Variants in PON3 observed in about 807,000 individuals in gnomAD.
PON3 encodes the protein serum paraoxonase/lactonase 3.
PON3 carries 37 observed loss-of-function variants against 36.3 expected under a neutral mutation model. The ratio of observed to expected loss-of-function variants is 1.02; its 90% CI spans 0.78 to 1.34. PON3 has a LOEUF of 1.34. PON3 is among the 40% of genes most tolerant of loss of function. The probability of loss-of-function intolerance (pLI) is 0.00; values close to 1 mark genes in which losing one functional copy is unlikely to be tolerated. For missense variants in PON3, 415 were observed against 426.5 expected (o/e 0.97, Z 0.24); for synonymous variants, 155 against 154.8 (o/e 1.00, Z -0.01).
At chr7:95,363,325 TA>T (rs887353454) in intron 6 of PON3, among the ~76,000 whole-genome samples, 1 of 152,180 alleles carries the variant, frequency 6.6e-6, no homozygotes, top group Non-Finnish European at 1.5e-5. Flanking sequence ...CTTCTGTTTA[TA>T]AAAAAACCTC....
At chr7:95,380,641 A>G (rs912068375) in intron 3 of PON3, among the ~76,000 whole-genome samples, 1 of 152,192 alleles carries the variant, frequency 6.6e-6, no homozygotes, top group Non-Finnish European at 1.5e-5. Context: ...ACAACAAGAG[A>G]AGTTTAGAGC....
intron 3 of PON3, among the ~76,000 whole-genome samples, chr7:95,376,419 G>A (rs140281782): frequency 2.6e-4 from 40 of 152,216 alleles, no homozygotes; most frequent in Admixed American, 1.5e-3. Context: ...GCAAGAAAGG[G>A]TAAAAGGAGA....
intron 8 of PON3, among the ~76,000 whole-genome samples, chr7:95,361,606 C>T (rs1808571163): frequency 6.6e-6 from 1 of 152,068 alleles, no homozygotes; most frequent in South Asian, 2.1e-4. Flanking sequence ...CATTGTTTGT[C>T]CCCCTTTCTT....
intron 2 of PON3, among the ~76,000 whole-genome samples, chr7:95,391,590 C>T (rs1290271666): frequency 2.0e-5 from 3 of 152,160 alleles, no homozygotes; most frequent in African/African-American, 7.2e-5. Context: ...GTTTCTTCTA[C>T]CAATAAAATA....
chr7:95,372,145 C>T, intron 4 of PON3, 28 bp downstream of exon 4: 1 of 1,603,562 alleles, frequency 6.2e-7, no homozygotes, highest in Non-Finnish European at 8.5e-7. Flanking sequence ...CCTCATTTCC[C>T]CCTTATCCCT....
At chr7:95,375,762 T>C (rs1808902389) in intron 3 of PON3, among the ~76,000 whole-genome samples, 1 of 152,260 alleles carries the variant, frequency 6.6e-6, no homozygotes, top group Non-Finnish European at 1.5e-5. Flanking sequence ...CACCTAGTTT[T>C]CTGTGTAAAG....
At chr7:95,380,466 T>G (rs1809021906) in intron 3 of PON3, among the ~76,000 whole-genome samples, 1 of 152,140 alleles carries the variant, frequency 6.6e-6, no homozygotes, top group Non-Finnish European at 1.5e-5. Flanking sequence ...AAAGATTAGA[T>G]GAATGGCTAA....
chr7:95,372,117 A>T, intron 4 of PON3, 56 bp downstream of exon 4: 1 of 1,545,178 alleles, frequency 6.5e-7, no homozygotes. Flanking sequence ...GGGGCTGGAG[A>T]TAAATGGTTT....
At chr7:95,372,372 T>C (rs766666229) in intron 3 of PON3, 34 bp from the exon 4 acceptor site, 4 of 1,596,758 alleles carry the variant, frequency 2.5e-6, no homozygotes, top group South Asian at 1.1e-5. Flanking sequence ...TGCACACATA[T>C]ACATATCAAA....
At chr7:95,368,813 A>AT (rs1808750889) in intron 4 of PON3, among the ~76,000 whole-genome samples, 2 of 111,488 alleles carry the variant, frequency 1.8e-5, no homozygotes, top group Non-Finnish European at 3.8e-5. Context: ...ACAAAAACAA[A>AT]CAAAAAAAAA....
intron 3 of PON3, among the ~76,000 whole-genome samples, chr7:95,388,890 G>A (rs1242885363): frequency 6.6e-6 from 1 of 152,146 alleles, no homozygotes; most frequent in Non-Finnish European, 1.5e-5. Context: ...GTTGAACAAT[G>A]AGAACACATA....
Position 95,359,904 on chromosome 7 carries a change from A to T in PON3, c.*69T>A, listed in dbSNP as rs1808524743. On this transcript the variant is annotated 3_prime_UTR_variant, in exon 9 of 9. Coordinates refer to ENST00000265627, the MANE Select transcript of PON3 (RefSeq NM_000940.3). The stretch of plus-strand genomic sequence containing the variant: ...TTGCTATTTACTTACAGTGCCACTT[A>T]TCATACAATTATCAGTTTACTTTTA... 6.7e-7 allele frequency: 1 copy of T among 1,497,040 alleles called. No homozygotes were observed. Among genetic ancestry groups the T allele is most frequent in the African/African-American group, 1.4e-5 (1 of 70,528 alleles). The allele number at this position is 1,497,040 out of a possible 1,614,324, so 92.7% of individuals were successfully genotyped here. A position where few individuals can be genotyped will look rare whatever the true frequency, so the allele number is the denominator to read the frequency against.
chr7:95,365,989 G>A (rs1228569369), intron 5 of PON3: 1 of 150,930 alleles, frequency 6.6e-6, no homozygotes, highest in Non-Finnish European at 1.5e-5. Context: ...GTCGCCTTCT[G>A]AGGAAGTGGT....
chr7:95,360,982 A>C (rs1275990655), intron 8 of PON3, among the ~76,000 whole-genome samples: 1 of 152,168 alleles, frequency 6.6e-6, no homozygotes, highest in Non-Finnish European at 1.5e-5. Flanking sequence ...AAAAAGTCTT[A>C]TCTAAAATTT....
At chr7:95,375,437 CATGAGGGAA>C (rs1460155358) in intron 3 of PON3, among the ~76,000 whole-genome samples, 1 of 151,566 alleles carries the variant, frequency 6.6e-6, no homozygotes, top group African/African-American at 2.4e-5. Context: ...TTCCCTTTCA[CATGAGGGAA>C]ATGAGGCCTA....
intron 3 of PON3, among the ~76,000 whole-genome samples, chr7:95,383,412 T>G (rs1360981299): frequency 6.6e-6 from 1 of 152,174 alleles, no homozygotes; most frequent in African/African-American, 2.4e-5. Flanking sequence ...GAAGTCAAAT[T>G]GTCCCTGTTT....
intron 4 of PON3, 43 bp downstream of exon 4, chr7:95,372,130 A>T: frequency 7.7e-6 from 11 of 1,427,238 alleles, no homozygotes; most frequent in African/African-American, 1.4e-5. Context: ...AATGGTTTCT[A>T]TTTCCCTCAT....
chr7:95,386,855 C>T (rs1809202466), intron 3 of PON3, among the ~76,000 whole-genome samples: 1 of 152,236 alleles, frequency 6.6e-6, no homozygotes, highest in Non-Finnish European at 1.5e-5. Flanking sequence ...AAATGTAATC[C>T]ATCACATAAA....
intron 1 of PON3, 181 bp downstream of exon 1, chr7:95,396,096 G>C (rs1051628064): frequency 7.2e-6 from 5 of 694,668 alleles, no homozygotes; most frequent in Non-Finnish European, 7.8e-6. Context: ...CTTTGGAAAC[G>C]CAAGTAGCTC....
Sources: gnomAD v4.1 joint callset for allele counts (sites outside exome capture counted in the v4.1 genomes callset) on GRCh38, gnomAD v4.1.1 for gene constraint, MANE v1.5 for transcripts, NCBI Gene and HGNC (gene_info 2026-07-23, HGNC 2026-07-21) for gene names.